Variants in ZFAND4 observed in about 807,000 individuals in gnomAD.
ZFAND4 encodes AN1-type zinc finger protein 4.
Under a neutral mutation model 64.4 loss-of-function variants are expected in ZFAND4, and 43 were observed. The ratio of observed to expected loss-of-function variants is 0.67; its 90% confidence interval spans 0.52 to 0.86. The LOEUF (loss-of-function observed/expected upper bound fraction) is 0.86, where lower values mean the gene tolerates loss of function less well. ZFAND4 is among the 40% of genes least tolerant of loss of function. The probability of loss-of-function intolerance (pLI) is 0.00; values close to 1 mark genes in which losing one functional copy is unlikely to be tolerated. For missense variants in ZFAND4, 929 were observed against 859.8 expected, an observed-to-expected ratio of 1.08 and a Z score of -1.01; for synonymous variants, 296 against 305.7, an observed-to-expected ratio of 0.97 and a Z score of 0.33.
At chr10:45,620,484 A>G (rs1236629815) in intron 8 of ZFAND4, among the ~76,000 whole-genome samples, 2 of 151,338 alleles carry the variant, frequency 1.3e-5, no homozygotes, top group Non-Finnish European at 1.5e-5. Context: ...GACTCTGTCT[A>G]AAAAAAAAGA....
chr10:45,656,522 A>AAAAG (rs2048130438), intron 2 of ZFAND4, among the ~76,000 whole-genome samples: 1 of 148,916 alleles, frequency 6.7e-6, no homozygotes. Flanking sequence ...AAAAAAAAAA[A>AAAAG]AAAGAAAAGA....
Position 45,626,723 on chromosome 10 carries a change from G to C in ZFAND4, c.1100C>G (p.Thr367Arg). Reference protein sequence around the residue: ...LHLGSSLPRQTKHFLGNLPSS... With the variant: ...LHLGSSLPRQRKHFLGNLPSS... ...TGGCAAGTTTCCTAAAAAATGTTTT[G>C]TTTGCCTAGGCAGGGATGATCCAAG... is the stretch of plus-strand genomic sequence containing the variant. The change falls in exon 7 of 10, where the codon ACA becomes AGA. Residue 367 changes from threonine (T) to arginine (R), a missense_variant. Coordinates refer to ENST00000344646, the MANE Select transcript of ZFAND4 (RefSeq NM_174890.4). 2 of 1,614,184 alleles carry C rather than the reference G, an allele frequency of 1.2e-6. No homozygotes were observed. Among genetic ancestry groups the C allele is most frequent in the Non-Finnish European group, 1.7e-6 (2 of 1,180,032 alleles).
At chr10:45,640,496 C>CT in intron 5 of ZFAND4, 23 of 1,093,948 alleles carry the variant, frequency 2.1e-5, no homozygotes, top group Non-Finnish European at 2.4e-5. Flanking sequence ...GAGCAAAAAA[C>CT]ATTTTTTTTT....
chr10:45,643,818 G>C (rs1460560058), intron 5 of ZFAND4, among the ~76,000 whole-genome samples: 1 of 152,066 alleles, frequency 6.6e-6, no homozygotes, highest in Non-Finnish European at 1.5e-5. Flanking sequence ...GTAGAAGCCA[G>C]CAAACCATGG....
At chr10:45,644,418 GAAAAACTAGAAAATTTACAGTAGAAT>G (rs979825361) in intron 5 of ZFAND4, among the ~76,000 whole-genome samples, 12 of 152,246 alleles carry the variant, frequency 7.9e-5, no homozygotes, top group Non-Finnish European at 1.6e-4. Context: ...GCAACAGTCA[GAAAAACTAGAAAATTTACAGTAGAAT>G]ATCTCATCAC....
intron 2 of ZFAND4, among the ~76,000 whole-genome samples, chr10:45,658,567 A>C (rs1406142205): frequency 6.6e-6 from 1 of 152,244 alleles, no homozygotes; most frequent in African/African-American, 2.4e-5. Context: ...GAGACAAATA[A>C]AAACATGCTC....
chr10:45,661,560 C>A (rs1486774363), intron 2 of ZFAND4, among the ~76,000 whole-genome samples: 1 of 152,136 alleles, frequency 6.6e-6, no homozygotes, highest in East Asian at 1.9e-4. Context: ...ATTCCATATC[C>A]CTCTAACTTG....
intron 1 of ZFAND4, among the ~76,000 whole-genome samples, chr10:45,670,049 A>G (rs980671813): frequency 2.0e-5 from 3 of 152,168 alleles, no homozygotes; most frequent in Non-Finnish European, 4.4e-5. Flanking sequence ...GACAGGAGAC[A>G]GAAATAAAGG....
intron 6 of ZFAND4, among the ~76,000 whole-genome samples, chr10:45,631,289 C>G (rs1471701005): frequency 6.7e-6 from 1 of 150,192 alleles, no homozygotes; most frequent in Non-Finnish European, 1.5e-5. Context: ...TGCACTCCAG[C>G]CTGGGCAACA....
intron 6 of ZFAND4, among the ~76,000 whole-genome samples, chr10:45,629,738 C>T (rs1229456408): frequency 6.6e-6 from 1 of 152,034 alleles, no homozygotes; most frequent in African/African-American, 2.4e-5. Flanking sequence ...TGGCAGGAGC[C>T]CGTAGTCCCA....
chr10:45,638,142 A>T (rs1387154126), intron 6 of ZFAND4, among the ~76,000 whole-genome samples: 1 of 152,144 alleles, frequency 6.6e-6, no homozygotes, highest in African/African-American at 2.4e-5. Flanking sequence ...AATGTGGCAT[A>T]AACTAGAACT....
At position 45,639,933 on chromosome 10, in the gene ZFAND4, A is replaced by AT. The variant is rs1416399958; in HGVS notation, c.599dup (p.Asp200GlufsTer2). The AT allele has an allele frequency of 1.2e-6, 2 of 1,612,672 alleles. No homozygotes were observed. Among genetic ancestry groups the AT allele is most frequent in the Non-Finnish European group, 1.7e-6 (2 of 1,179,828 alleles). On this transcript the variant is annotated frameshift_variant, in exon 6 of 10. Transcript: ENST00000344646. LOFTEE classifies it high-confidence loss of function. ...AAGAAGGCTCAGTTTCTTCATCCTCATCTGTATCTGAATTATACATAGAAC... is the reference window on the plus strand; with the variant it reads ...AAGAAGGCTCAGTTTCTTCATCCTCATTCTGTATCTGAATTATACATAGAAC...
chr10:45,642,309 T>G (rs778732864), intron 5 of ZFAND4, among the ~76,000 whole-genome samples: 25 of 151,978 alleles, frequency 1.6e-4, no homozygotes, highest in Non-Finnish European at 1.2e-4. Context: ...CATATATATA[T>G]ATATAAAAGA....
chr10:45,653,180 T>G lies in ZFAND4; in HGVS notation c.185-121A>C, dbSNP rs2047875298. ...CTAAAAAATTAAACATTCTTCTAAA[T>G]TGAATGCTAGGTGCTAAAATTTACA... On this transcript the variant is annotated intron_variant, in intron 2 of 9. Transcript: ENST00000344646. 2.2e-5 allele frequency: 16 copies of G among 720,872 alleles called. No individual in the cohort carries two copies. The South Asian group carries it at 3.0e-4, about 13-fold the overall frequency. The allele number at this position is 720,872 out of a possible 1,614,324, so 44.7% of individuals were successfully genotyped here.
intron 6 of ZFAND4, among the ~76,000 whole-genome samples, chr10:45,638,548 T>C (rs1403059984): frequency 2.0e-5 from 3 of 152,068 alleles, no homozygotes; most frequent in African/African-American, 7.2e-5. Context: ...TTGTCTGGCA[T>C]AATACTAAAG....
intron 5 of ZFAND4, among the ~76,000 whole-genome samples, chr10:45,646,591 T>C (rs1033537652): frequency 6.6e-6 from 1 of 152,066 alleles, no homozygotes; most frequent in Non-Finnish European, 1.5e-5. Context: ...GAGGAGAAGC[T>C]GGAGTAAGAG....
Position 45,617,592 on chromosome 10 carries a change from A to G in ZFAND4, c.2048+548T>C, listed in dbSNP as rs924287386. 1.2e-3 allele frequency among the ~76,000 whole-genome samples: 58 copies of G among 49,352 alleles called. 4 individuals carry two copies. The highest frequency in any genetic ancestry group is 8.5e-3 in the Admixed American group (38 of 4,464). 32.4% of individuals were successfully genotyped at this position (49,352 alleles called of 152,430 possible). On this transcript the variant is annotated intron_variant, in intron 9 of 9. Coordinates refer to ENST00000344646, the MANE Select transcript of ZFAND4 (RefSeq NM_174890.4). ...CCAGTGAGTTATGATTACAGTACTG[A>G]AAAAAAAAAAAAAAAAAAAAAGTCC...
chr10:45,621,123 A>C (rs1043900226), intron 8 of ZFAND4, among the ~76,000 whole-genome samples: 2 of 152,226 alleles, frequency 1.3e-5, no homozygotes, highest in Non-Finnish European at 2.9e-5. Context: ...TCCAGACGCA[A>C]GGCTGGTAGT....
At position 45,653,040 on chromosome 10, in the gene ZFAND4, T is replaced by A. The variant is rs200492499; in HGVS notation, c.204A>T (p.Gln68His). The change falls in exon 3 of 10, where the codon CAA (glutamine) becomes CAT (histidine). Residue 68 changes from glutamine (Q) to histidine (H), a missense_variant. By Grantham distance (24) the Gln-to-His change is conservative. Transcript: ENST00000344646. The stretch of plus-strand genomic sequence containing the variant: ...GTTCCATGTTATTCCAAATTAAGTG[T>A]TGTCGACAGATGGGAATACCTTAAG... ...RRLEGIPICR[Q>H]HLIWNNMELE... 1 of 1,611,598 alleles carries A rather than the reference T, an allele frequency of 6.2e-7. No individual in the cohort carries two copies. Among genetic ancestry groups the A allele is most frequent in the Middle Eastern group, 1.7e-4 (1 of 6,044 alleles).
Sources: gnomAD v4.1 joint callset for allele counts (sites outside exome capture counted in the v4.1 genomes callset) on GRCh38, gnomAD v4.1.1 for gene constraint, MANE v1.5 for transcripts, NCBI Gene and HGNC (gene_info 2026-07-23, HGNC 2026-07-21) for gene names.